Variants in WDR70 observed in about 807,000 individuals in gnomAD.
The protein encoded by WDR70 is WD repeat domain 70.
In WDR70, 53 loss-of-function variants were observed where a neutral mutation model predicts 88.6. The ratio of observed to expected loss-of-function variants is 0.60; its 90% CI spans 0.48 to 0.75. WDR70 has a LOEUF of 0.75. WDR70 is among the 30% of genes least tolerant of loss of function. WDR70 has a pLI of 0.00. For missense variants in WDR70, 610 were observed against 823.2 expected (o/e 0.74, Z 3.17); for synonymous variants, 280 against 270.0 (o/e 1.04, Z -0.36).
intron 17 of WDR70, among the ~76,000 whole-genome samples, chr5:37,739,629 C>T (rs72743202): frequency 0.031 from 4,705 of 152,140 alleles, 95 homozygotes; most frequent in Middle Eastern, 0.11. Context: ...TGTGGAAGCA[C>T]CCAACAGAAT....
At chr5:37,723,326 C>T (rs1747878639) in intron 15 of WDR70, 1 of 195,258 alleles carries the variant, frequency 5.1e-6, no homozygotes, top group African/African-American at 2.3e-5. Flanking sequence ...AACTTTTAAT[C>T]AGGGAAGTGT....
intron 6 of WDR70, 117 bp from the exon 7 acceptor site, chr5:37,443,122 G>T: frequency 2.7e-6 from 3 of 1,113,156 alleles, no homozygotes; most frequent in Non-Finnish European, 3.7e-6. Flanking sequence ...ATAGTTGGTG[G>T]TTTGTACTTC....
intron 15 of WDR70, chr5:37,723,837 T>C (rs1237636261): frequency 6.6e-6 from 1 of 152,170 alleles, no homozygotes; most frequent in Admixed American, 6.5e-5. Context: ...AGTGAAAAGC[T>C]ATTTTCCCCC....
chr5:37,454,013 TA>T (rs1738754388), intron 7 of WDR70, among the ~76,000 whole-genome samples: 1 of 152,212 alleles, frequency 6.6e-6, no homozygotes, highest in Non-Finnish European at 1.5e-5. Context: ...TTCCAGCACC[TA>T]AAACAGTGTT....
intron 10 of WDR70, chr5:37,687,890 C>A (rs757297272): frequency 1.5e-6 from 1 of 659,692 alleles, no homozygotes; most frequent in South Asian, 1.7e-5. Flanking sequence ...ATTCACAATA[C>A]CATCTCTTTT....
At position 37,404,603 on chromosome 5, in the gene WDR70, G is replaced by A. The variant is rs1034611999; in HGVS notation, c.492+8033G>A. ...TTGTTCATTTTTATATCCTTGTAGT[G>A]CCTGAATTAACTATACCTATTAAAT... On this transcript the variant is annotated intron_variant, in intron 5 of 17. Coordinates refer to ENST00000265107, the MANE Select transcript of WDR70 (RefSeq NM_018034.4). 2.6e-5 allele frequency among the ~76,000 whole-genome samples: 4 copies of A among 152,200 alleles called. No homozygotes were observed. The South Asian group carries it at 6.2e-4, about 24-fold the overall frequency.
chr5:37,432,090 A>G (rs1442252826), intron 5 of WDR70, among the ~76,000 whole-genome samples: 6 of 152,208 alleles, frequency 3.9e-5, no homozygotes, highest in Non-Finnish European at 8.8e-5. Flanking sequence ...TTGCTGGATC[A>G]TACAGTAATT....
intron 9 of WDR70, among the ~76,000 whole-genome samples, chr5:37,550,277 A>G (rs1742106305): frequency 6.6e-6 from 1 of 152,226 alleles, no homozygotes; most frequent in African/African-American, 2.4e-5. Flanking sequence ...GTATTTGTAT[A>G]GTTTCCAAAA....
chr5:37,478,829 C>T (rs1739566212), intron 7 of WDR70, among the ~76,000 whole-genome samples: 1 of 152,154 alleles, frequency 6.6e-6, no homozygotes, highest in African/African-American at 2.4e-5. Flanking sequence ...ATCCCAGAAG[C>T]TGGGAGAATG....
intron 9 of WDR70, among the ~76,000 whole-genome samples, chr5:37,546,389 T>C (rs953129440): frequency 6.6e-6 from 1 of 152,224 alleles, no homozygotes; most frequent in African/African-American, 2.4e-5. Flanking sequence ...GAAAGTTTGA[T>C]AAAGTTCAAG....
intron 17 of WDR70, among the ~76,000 whole-genome samples, chr5:37,735,744 G>A (rs1748288088): frequency 6.6e-6 from 1 of 152,134 alleles, no homozygotes; most frequent in Admixed American, 6.6e-5. Context: ...TTTCGTAAAG[G>A]TCACTGTAAT....
intron 10 of WDR70, among the ~76,000 whole-genome samples, chr5:37,689,279 C>T (rs1202734843): frequency 2.6e-5 from 4 of 152,226 alleles, no homozygotes; most frequent in Non-Finnish European, 5.9e-5. Flanking sequence ...CAAAAGGCAG[C>T]AGACAACTTC....
In WDR70 at chr5:37,649,733, CTTT is replaced by C. The variant is rs70978834; in HGVS notation, c.1092+44515_1092+44517del. On this transcript the variant is annotated intron_variant, in intron 10 of 17. Transcript: ENST00000265107. ...ATATACATTCACGATGTTATTACTT[CTTT>C]TTTTTTTTTTTTTTTTTTTGAGACG... Among the ~76,000 whole-genome samples the C allele has an allele frequency of 4.2e-4, 29 of 68,734 alleles. 1 individual carries two copies. The highest frequency in any genetic ancestry group is 1.5e-3 in the African/African-American group (23 of 15,614). 45.1% of individuals were successfully genotyped at this position (68,734 alleles called of 152,430 possible). A position where few individuals can be genotyped will look rare whatever the true frequency, so the allele number is the denominator to read the frequency against.
chr5:37,565,643 G>A (rs1195178837), intron 9 of WDR70, among the ~76,000 whole-genome samples: 1 of 151,968 alleles, frequency 6.6e-6, no homozygotes, highest in Non-Finnish European at 1.5e-5. Flanking sequence ...TTAATTCCCA[G>A]GAAAACAGGT....
At chr5:37,687,685 A>G (rs1365409268) in intron 10 of WDR70, among the ~76,000 whole-genome samples, 7 of 151,822 alleles carry the variant, frequency 4.6e-5, no homozygotes, top group Non-Finnish European at 1.0e-4. Context: ...AAAATCCCAT[A>G]TTCTCATTCC....
At chr5:37,500,179 A>C (rs1197789902) in intron 8 of WDR70, among the ~76,000 whole-genome samples, 1 of 152,164 alleles carries the variant, frequency 6.6e-6, no homozygotes, top group Non-Finnish European at 1.5e-5. Flanking sequence ...ACAGGTGAGG[A>C]TATACAGTAT....
At chr5:37,602,047 C>T (rs964160708) in intron 9 of WDR70, among the ~76,000 whole-genome samples, 6 of 139,902 alleles carry the variant, frequency 4.3e-5, no homozygotes, top group African/African-American at 1.1e-4. Flanking sequence ...GGGAGGGGAA[C>T]GTCACACACT....
At chr5:37,679,532 G>A (rs537685154) in intron 10 of WDR70, among the ~76,000 whole-genome samples, 2 of 152,330 alleles carry the variant, frequency 1.3e-5, no homozygotes, top group East Asian at 3.9e-4. Flanking sequence ...AGCAGTGGTG[G>A]CTGCAGAACA....
chr5:37,700,950 T>G, intron 11 of WDR70, 108 bp from the exon 12 acceptor site: 1 of 649,662 alleles, frequency 1.5e-6, no homozygotes, highest in Non-Finnish European at 2.7e-6. Context: ...TCCCCTTCCC[T>G]TTCTTCTTTA....
Sources: gnomAD v4.1 joint callset for allele counts (sites outside exome capture counted in the v4.1 genomes callset) on GRCh38, gnomAD v4.1.1 for gene constraint, MANE v1.5 for transcripts, NCBI Gene and HGNC (gene_info 2026-07-23, HGNC 2026-07-21) for gene names.